The following TSSK6 variants were observed in gnomAD, a reference collection of about 807,000 sequenced individuals.
The protein encoded by TSSK6 is testis specific serine kinase 6, also known as testis-specific serine/threonine-protein kinase 6.
TSSK6 carries 9 observed loss-of-function variants against 8.5 expected under a neutral mutation model. The observed-to-expected ratio is 1.06, with a 90% CI of 0.64 to 1.85. The LOEUF (loss-of-function observed/expected upper bound fraction) is 1.85. Ranked by LOEUF, TSSK6 falls within the 40% of genes most tolerant of loss-of-function variation. The probability of loss-of-function intolerance (pLI) is 0.00; values close to 1 mark genes in which losing one functional copy is unlikely to be tolerated. For synonymous variants in TSSK6, 202 were observed against 182.4 expected (o/e 1.11, Z -0.86); for missense variants, 311 against 391.5 (o/e 0.79, Z 1.73).
At position 19,514,916 on chromosome 19, in the gene TSSK6, T is replaced by G. The variant is rs759237268; in HGVS notation, c.512A>C (p.Tyr171Ser). Reference sequence around the variant, plus strand: ...TGACGCGTAGGCGGCTGAGCCGCAGTAGGTGGTGCTCAGGTCTGGGTAGCC... The same window carrying G: ...TGACGCGTAGGCGGCTGAGCCGCAGGAGGTGGTGCTCAGGTCTGGGTAGCC... Reference protein sequence around the residue: ...AHGYPDLSTTYCGSAAYASPE... With the variant: ...AHGYPDLSTTSCGSAAYASPE... The change falls in exon 1 of 1, where the codon TAC becomes TCC. Residue 171 changes from tyrosine to serine, a missense_variant. Physicochemically the swap from Tyr to Ser is moderately radical, Grantham distance 144. Coordinates refer to ENST00000585580, the MANE Select transcript of TSSK6 (RefSeq NM_032037.4). 6.2e-7 allele frequency: 1 copy of G among 1,603,588 alleles called. No homozygotes were observed.
chr19:19,515,537 C>CA lies in TSSK6; in HGVS notation c.-111dup. The CA allele has an allele frequency of 3.1e-6, 3 of 980,238 alleles. No individual in the cohort carries two copies. Among genetic ancestry groups the CA allele is most frequent in the African/African-American group, 1.6e-5 (1 of 61,056 alleles). 60.7% of individuals were successfully genotyped at this position (980,238 alleles called of 1,614,324 possible). On this transcript the variant is annotated 5_prime_UTR_variant, in exon 1 of 1. An upstream start codon of the reference 5' UTR is lost. Transcript: ENST00000585580. Reference sequence around the variant, plus strand: ...CTTGGCACCTACACCCCCGCACCCCCATGTGCCCACTGCCAGACATTGGCC... The same window carrying CA: ...CTTGGCACCTACACCCCCGCACCCCCAATGTGCCCACTGCCAGACATTGGCC...
At position 19,514,475 on chromosome 19, in the gene TSSK6, A is replaced by C. The variant is rs966927520; in HGVS notation, c.*131T>G. 4.5e-5 allele frequency: 39 copies of C among 865,210 alleles called. No homozygotes were observed. The East Asian group carries it at 6.3e-4, about 14-fold the overall frequency. The allele number at this position is 865,210 out of a possible 1,614,324, so 53.6% of individuals were successfully genotyped here. ...TCCCCCGTGGGAAGAAAGGGAGGGA[A>C]GCGGAAGGGAAAAAGCGCATGTGCA... is the stretch of plus-strand genomic sequence containing the variant. On this transcript the variant is annotated 3_prime_UTR_variant, in exon 1 of 1. Transcript: ENST00000585580.
In TSSK6 at chr19:19,514,465, A is replaced by G. The variant is rs1009656667; in HGVS notation, c.*141T>C. 3 of 823,970 alleles carry G rather than the reference A, an allele frequency of 3.6e-6. No homozygotes were observed. Among genetic ancestry groups the G allele is most frequent in the East Asian group, 2.7e-5 (1 of 36,410 alleles). The allele number at this position is 823,970 out of a possible 1,614,324, so 51.0% of individuals were successfully genotyped here. A position where few individuals can be genotyped will look rare whatever the true frequency, so the allele number is the denominator to read the frequency against. The stretch of plus-strand genomic sequence containing the variant: ...AACTGCGGACTCCCCCGTGGGAAGA[A>G]AGGGAGGGAAGCGGAAGGGAAAAAG... On this transcript the variant is annotated 3_prime_UTR_variant, in exon 1 of 1. Transcript: ENST00000585580.
At position 19,514,320 on chromosome 19, in the gene TSSK6, A is replaced by T. The variant is rs1349330437; in HGVS notation, c.*286T>A. 1 of 460,092 alleles carries T rather than the reference A, an allele frequency of 2.2e-6. No homozygotes were observed. The highest frequency in any genetic ancestry group is 2.0e-5 in the African/African-American group (1 of 49,430). 28.5% of individuals were successfully genotyped at this position (460,092 alleles called of 1,614,324 possible). A position where few individuals can be genotyped will look rare whatever the true frequency, so the allele number is the denominator to read the frequency against. Reference sequence around the variant, plus strand: ...CGCGCAGAGGCTGAGAGTTCCGCGCAGGCGCAATGCTTCCGTCCCCTCTGG... The same window carrying T: ...CGCGCAGAGGCTGAGAGTTCCGCGCTGGCGCAATGCTTCCGTCCCCTCTGG... On this transcript the variant is annotated 3_prime_UTR_variant, in exon 1 of 1. Coordinates refer to ENST00000585580, the MANE Select transcript of TSSK6 (RefSeq NM_032037.4).
rs148965544 is a variant in TSSK6, at chr19:19,515,062, G to T, written c.366C>A (p.Ala122=). ...GGTGATGATCGTGCAGGTAGCGCAC[G>T]GCGCCGGCGATCTGCGCAAAGAGGT... The part of the protein sequence containing the change: ...ARDLFAQIAG[A]VRYLHDHHLV... Residue 122 remains alanine, a synonymous_variant, in exon 1 of 1, where the codon GCC becomes GCA. Coordinates refer to ENST00000585580, the MANE Select transcript of TSSK6 (RefSeq NM_032037.4). 17 of 1,608,822 alleles carry T rather than the reference G, an allele frequency of 1.1e-5. No individual in the cohort carries two copies. The highest frequency in any genetic ancestry group is 1.4e-5 in the Non-Finnish European group (16 of 1,178,080).
Position 19,514,481 on chromosome 19 carries a change from A to AG in TSSK6, c.*124dup. ...GTGGGAAGAAAGGGAGGGAAGCGGA[A>AG]GGGAAAAAGCGCATGTGCAGCAGCA... On this transcript the variant is annotated 3_prime_UTR_variant, in exon 1 of 1. Coordinates refer to ENST00000585580, the MANE Select transcript of TSSK6 (RefSeq NM_032037.4). The AG allele has an allele frequency of 1.1e-6, 1 of 923,146 alleles. No individual in the cohort carries two copies. The allele number at this position is 923,146 out of a possible 1,614,324, so 57.2% of individuals were successfully genotyped here. A position where few individuals can be genotyped will look rare whatever the true frequency, so the allele number is the denominator to read the frequency against.
In TSSK6 at chr19:19,514,606, C is replaced by T; in HGVS notation, c.822G>A (p.Ter274=). The T allele has an allele frequency of 6.4e-7, 1 of 1,570,446 alleles. No homozygotes were observed. Among genetic ancestry groups the T allele is most frequent in the South Asian group, 1.1e-5 (1 of 88,096 alleles). Residue 274 remains the stop codon, a stop_retained_variant, in exon 1 of 1, where the codon TAG becomes TAA. Transcript: ENST00000585580. ...NCWLRAGDSG[*] ...AGGAATGGCTGGAACCACCCGGCTT[C>T]TAGCCGGAGTCCCCGGCGCGCAGCC...
chr19:19,514,737 G>T lies in TSSK6; in HGVS notation c.691C>A (p.Pro231Thr), dbSNP rs1158148536. 1.2e-6 allele frequency: 2 copies of T among 1,602,736 alleles called. No homozygotes were observed. The highest frequency in any genetic ancestry group is 1.7e-6 in the Non-Finnish European group (2 of 1,179,692). Residue 231 changes from proline to threonine, a missense_variant, in exon 1 of 1, where the codon CCC becomes ACC. Pro to Thr is a conservative substitution (Grantham distance 38). Coordinates refer to ENST00000585580, the MANE Select transcript of TSSK6 (RefSeq NM_032037.4). ...CGCTCGGACAGCTCGAGGCCTTCGGGATAGAGCACGCCGCGTTTCTGGCGC... is the reference window on the plus strand; with the variant it reads ...CGCTCGGACAGCTCGAGGCCTTCGGTATAGAGCACGCCGCGTTTCTGGCGC... Reference protein sequence around the residue: ...PRRQKRGVLYPEGLELSERCK... With the variant: ...PRRQKRGVLYTEGLELSERCK...
chr19:19,515,017 C>T lies in TSSK6; in HGVS notation c.411G>A (p.Lys137=). 1.9e-6 allele frequency: 3 copies of T among 1,611,304 alleles called. No homozygotes were observed. Among genetic ancestry groups the T allele is most frequent in the Non-Finnish European group, 2.5e-6 (3 of 1,178,950 alleles). Residue 137 remains lysine, a synonymous_variant, in exon 1 of 1, where the codon AAG becomes AAA. Coordinates refer to ENST00000585580, the MANE Select transcript of TSSK6 (RefSeq NM_032037.4). The stretch of plus-strand genomic sequence containing the variant: ...CCGGGCTCAGCAGCACGTTTTCGCA[C>T]TTGAGGTCGCGGTGCACCAGGTGAT... ...HDHHLVHRDL[K]CENVLLSPDE... is the part of the protein sequence containing the mutation.
Position 19,514,851 on chromosome 19 carries a change from A to G in TSSK6, c.577T>C (p.Tyr193His). The change falls in exon 1 of 1, where the codon TAC (tyrosine) becomes CAC (histidine). Residue 193 changes from tyrosine to histidine, a missense_variant. Coordinates refer to ENST00000585580, the MANE Select transcript of TSSK6 (RefSeq NM_032037.4). ...LLGIPYDPKK[Y>H]DVWSMGVVLY... The stretch of plus-strand genomic sequence containing the variant: ...ACGACGCCCATGCTCCACACATCGT[A>G]CTTCTTGGGGTCGTAGGGGATGCCC... 1 of 1,600,082 alleles carries G rather than the reference A, an allele frequency of 6.2e-7. No individual in the cohort carries two copies. The highest frequency in any genetic ancestry group is 1.1e-5 in the South Asian group (1 of 90,984).
chr19:19,515,284 C>A lies in TSSK6; in HGVS notation c.144G>T (p.Ala48=), dbSNP rs756083415. The change falls in exon 1 of 1, where the codon GCG becomes GCT. Residue 48 remains alanine (A), a synonymous_variant. Coordinates refer to ENST00000585580, the MANE Select transcript of TSSK6 (RefSeq NM_032037.4). ...VAIKVVDRRR[A]PPDFVNKFLP... ...GGAACTTGTTGACGAAGTCCGGGGG[C>A]GCTCGCCGCCGGTCCACCACCTTGA... is the stretch of plus-strand genomic sequence containing the variant. 2 of 1,613,906 alleles carry A rather than the reference C, an allele frequency of 1.2e-6. No homozygotes were observed. The highest frequency in any genetic ancestry group is 1.7e-5 in the Admixed American group (1 of 60,028).
Position 19,514,369 on chromosome 19 carries a change from G to T in TSSK6, c.*237C>A. 1.8e-6 allele frequency: 1 copy of T among 561,416 alleles called. No homozygotes were observed. The highest frequency in any genetic ancestry group is 2.9e-5 in the East Asian group (1 of 34,400). The allele number at this position is 561,416 out of a possible 1,614,324, so 34.8% of individuals were successfully genotyped here. On this transcript the variant is annotated 3_prime_UTR_variant, in exon 1 of 1. Transcript: ENST00000585580. ...GGTCTCGCCCTCTCGGGGCCTGGTC[G>T]CAGGGAATCGCGGATGCGCATGCGC...
In TSSK6 at chr19:19,514,655, G is replaced by C. The variant is rs772358524; in HGVS notation, c.773C>G (p.Ala258Gly). 2 of 1,598,478 alleles carry C rather than the reference G, an allele frequency of 1.3e-6. No individual in the cohort carries two copies. Among genetic ancestry groups the C allele is most frequent in the African/African-American group, 1.3e-5 (1 of 74,870 alleles). The part of the protein sequence containing the change: ...LQFSPSARPS[A>G]GQVARNCWLR... ...CCAGCAGTTGCGCGCTACCTGGCCCGCGGAGGGCCTGGCGGACGGGCTGAA... is the reference window on the plus strand; with the variant it reads ...CCAGCAGTTGCGCGCTACCTGGCCCCCGGAGGGCCTGGCGGACGGGCTGAA... Residue 258 changes from alanine to glycine, a missense_variant, in exon 1 of 1, where the codon GCG becomes GGG. Physicochemically the swap from Ala to Gly is moderately conservative, Grantham distance 60 (BLOSUM62 0). Coordinates refer to ENST00000585580, the MANE Select transcript of TSSK6 (RefSeq NM_032037.4).
Position 19,514,936 on chromosome 19 carries a change from G to A in TSSK6, c.492C>T (p.Tyr164=). 1 of 1,602,620 alleles carries A rather than the reference G, an allele frequency of 6.2e-7. No individual in the cohort carries two copies. The highest frequency in any genetic ancestry group is 1.7e-5 in the Admixed American group (1 of 59,624). ...DFGFGRQAHG[Y]PDLSTTYCGS... ...CGCAGTAGGTGGTGCTCAGGTCTGG[G>A]TAGCCATGGGCCTGGCGGCCGAAGC... The change falls in exon 1 of 1, where the codon TAC becomes TAT. Residue 164 remains tyrosine, a synonymous_variant. Coordinates refer to ENST00000585580, the MANE Select transcript of TSSK6 (RefSeq NM_032037.4).
chr19:19,515,232 C>T lies in TSSK6; in HGVS notation c.196G>A (p.Gly66Ser), dbSNP rs1475093169. Residue 66 changes from glycine to serine, a missense_variant, in exon 1 of 1, where the codon GGC (glycine) becomes AGC (serine). Transcript: ENST00000585580. ...FLPRELSILR[G>S]VRHPHIVHVF... is the part of the protein sequence containing the mutation. ...TGCACGATGTGCGGGTGTCGCACGC[C>T]CCGCAGGATGGACAGCTCTCGCGGC... The T allele has an allele frequency of 1.2e-6, 2 of 1,612,674 alleles. No individual in the cohort carries two copies. Among genetic ancestry groups the T allele is most frequent in the Admixed American group, 3.3e-5 (2 of 60,030 alleles).
In TSSK6 at chr19:19,514,548, C is replaced by T; in HGVS notation, c.*58G>A. ...ATTCCCTCGAAGCGCGCCTCTTGCG[C>T]GTGCGCCGCCCTGGCCCAGTGCCCT... On this transcript the variant is annotated 3_prime_UTR_variant, in exon 1 of 1. Coordinates refer to ENST00000585580, the MANE Select transcript of TSSK6 (RefSeq NM_032037.4). 2.8e-6 allele frequency: 4 copies of T among 1,414,670 alleles called. No homozygotes were observed. Among genetic ancestry groups the T allele is most frequent in the Non-Finnish European group, 3.7e-6 (4 of 1,072,996 alleles). The allele number at this position is 1,414,670 out of a possible 1,614,324, so 87.6% of individuals were successfully genotyped here.
chr19:19,514,874 C>T lies in TSSK6; in HGVS notation c.554G>A (p.Gly185Asp). Residue 185 changes from glycine to aspartate, a missense_variant, in exon 1 of 1, where the codon GGC (glycine) becomes GAC (aspartate). By Grantham distance (94) the Gly-to-Asp change is moderately conservative (BLOSUM62 -1). Coordinates refer to ENST00000585580, the MANE Select transcript of TSSK6 (RefSeq NM_032037.4). The part of the protein sequence containing the change: ...AAYASPEVLL[G>D]IPYDPKKYDV... ...GTACTTCTTGGGGTCGTAGGGGATG[C>T]CCAGGAGCACCTCGGGTGACGCGTA... 6.2e-7 allele frequency: 1 copy of T among 1,600,530 alleles called. No homozygotes were observed. Among genetic ancestry groups the T allele is most frequent in the South Asian group, 1.1e-5 (1 of 90,904 alleles).
At position 19,515,525 on chromosome 19, in the gene TSSK6, C is replaced by A; in HGVS notation, c.-98G>T. On this transcript the variant is annotated 5_prime_UTR_variant, in exon 1 of 1. Transcript: ENST00000585580. Reference sequence around the variant, plus strand: ...TAAGCCATGGCGCTTGGCACCTACACCCCCGCACCCCCATGTGCCCACTGC... The same window carrying A: ...TAAGCCATGGCGCTTGGCACCTACAACCCCGCACCCCCATGTGCCCACTGC... 2 of 1,096,878 alleles carry A rather than the reference C, an allele frequency of 1.8e-6. No individual in the cohort carries two copies. Among genetic ancestry groups the A allele is most frequent in the Non-Finnish European group, 2.6e-6 (2 of 755,344 alleles). The allele number at this position is 1,096,878 out of a possible 1,614,324, so 67.9% of individuals were successfully genotyped here. A position where few individuals can be genotyped will look rare whatever the true frequency, so the allele number is the denominator to read the frequency against.
At position 19,515,178 on chromosome 19, in the gene TSSK6, C is replaced by T. The variant is rs779758708; in HGVS notation, c.250G>A (p.Gly84Arg). 107 of 1,608,292 alleles carry T rather than the reference C, an allele frequency of 6.7e-5. No individual in the cohort carries two copies. The South Asian group carries it at 9.3e-4, about 14-fold the overall frequency. The change falls in exon 1 of 1, where the codon GGG (glycine) becomes AGG (arginine). Residue 84 changes from glycine to arginine, a missense_variant. Gly to Arg is a moderately radical substitution (Grantham distance 125). Transcript: ENST00000585580. ...GCTTCCATCACGATGTACAGTTTCC[C>T]GTTGCACACCTCGATGAACTCGAAG... ...HVFEFIEVCN[G>R]KLYIVMEAAA...
Sources: gnomAD v4.1 joint callset for allele counts on GRCh38, gnomAD v4.1.1 for gene constraint, MANE v1.5 for transcripts, NCBI Gene and HGNC (gene_info 2026-07-23, HGNC 2026-07-21) for gene names.